TNFSF14: variants seen among roughly 807,000 people sequenced by gnomAD.
The protein encoded by TNFSF14 is TNF superfamily member 14.
TNFSF14 carries 15 observed loss-of-function variants against 22.7 expected under a neutral mutation model. The observed-to-expected ratio is 0.66, with a 90% CI of 0.44 to 1.02. The LOEUF (loss-of-function observed/expected upper bound fraction) is 1.02, where lower values mean the gene tolerates loss of function less well. Among genes scored for constraint, TNFSF14 ranks in the 50% least tolerant of loss-of-function variants. TNFSF14 has a pLI of 0.00. For synonymous variants in TNFSF14, 133 were observed against 139.6 expected (o/e 0.95, Z 0.33); for missense variants, 287 against 326.2 (o/e 0.88, Z 0.93).
In TNFSF14 at chr19:6,661,573, A is replaced by G. The variant is rs1437960840; in HGVS notation, c.*3353T>C. On this transcript the variant is annotated 3_prime_UTR_variant, in exon 4 of 4. Transcript: ENST00000675206. The stretch of plus-strand genomic sequence containing the variant: ...AGCTTGTCACAGTATCTTATCAGTA[A>G]TCGCATTCTTGGATGTGCTGGGAGT... 6.6e-6 allele frequency: 1 copy of G among 152,188 alleles called. No individual in the cohort carries two copies. The highest frequency in any genetic ancestry group is 1.5e-5 in the Non-Finnish European group (1 of 68,022). 9.4% of individuals were successfully genotyped at this position (152,188 alleles called of 1,614,324 possible). A position where few individuals can be genotyped will look rare whatever the true frequency, so the allele number is the denominator to read the frequency against.
chr19:6,670,395 A>G (rs1599490576), upstream of TNFSF14: 2 of 654,988 alleles, frequency 3.1e-6, no homozygotes, highest in South Asian at 4.3e-5. Flanking sequence ...GGGCCACCAA[A>G]TATCGACTGA....
At chr19:6,666,396 CAA>C (rs5826941) in intron 3 of TNFSF14, among the ~76,000 whole-genome samples, 19 of 128,094 alleles carry the variant, frequency 1.5e-4, no homozygotes, top group African/African-American at 1.8e-4. Context: ...GACCCTGTCT[CAA>C]AAAAAAAAAA....
At chr19:6,665,606 G>A (rs984092514) in intron 3 of TNFSF14, among the ~76,000 whole-genome samples, 1 of 152,030 alleles carries the variant, frequency 6.6e-6, no homozygotes. Context: ...ATGGGGTTTT[G>A]CCATGTTGCT....
rs1166327266 is a variant in TNFSF14, at chr19:6,663,054, T to G, written c.*1872A>C. 6.6e-6 allele frequency: 1 copy of G among 152,310 alleles called. No homozygotes were observed. Among genetic ancestry groups the G allele is most frequent in the African/African-American group, 2.4e-5 (1 of 41,450 alleles). 9.4% of individuals were successfully genotyped at this position (152,310 alleles called of 1,614,324 possible). ...TGCTGATGGTTGCCCCCCATCCGAC[T>G]CCTCCCTTTCCCTGTGGGGCTCTTT... On this transcript the variant is annotated 3_prime_UTR_variant, in exon 4 of 4. Coordinates refer to ENST00000675206, the MANE Select transcript of TNFSF14 (RefSeq NM_001376887.1).
chr19:6,666,344 G>A (rs1266404704), intron 3 of TNFSF14, among the ~76,000 whole-genome samples: 2 of 149,146 alleles, frequency 1.3e-5, no homozygotes, highest in African/African-American at 2.5e-5. Context: ...TGAGGGTGCC[G>A]TGAGCCGTGA....
At position 6,665,066 on chromosome 19, in the gene TNFSF14, G is replaced by A. The variant is rs138896705; in HGVS notation, c.583C>T (p.Arg195Trp). 20 of 1,613,962 alleles carry A rather than the reference G, an allele frequency of 1.2e-5. No homozygotes were observed. In the East Asian group the frequency reaches 1.6e-4, roughly 13 times the overall value. The change falls in exon 4 of 4, where the codon CGG (arginine) becomes TGG (tryptophan). Residue 195 changes from arginine to tryptophan, a missense_variant. Coordinates refer to ENST00000675206, the MANE Select transcript of TNFSF14 (RefSeq NM_001376887.1). ...SPCGRATSSS[R>W]VWWDSSFLGG... is the part of the protein sequence containing the mutation. ...AGGAAGCTGCTGTCCCACCAGACCC[G>A]GGAGCTGCTGGTGGCCCGTCCGCAG...
Position 6,667,104 on chromosome 19 carries a change from C to G in TNFSF14, c.298+9G>C. On this transcript the variant is annotated intron_variant, in intron 3 of 3. Coordinates refer to ENST00000675206, the MANE Select transcript of TNFSF14 (RefSeq NM_001376887.1). ...CCTGCCCCTTGCCAGGATCCAGGGT[C>G]CCTCTCACCTGTGAGATGCGCTGCT... 1 of 1,608,576 alleles carries G rather than the reference C, an allele frequency of 6.2e-7. No homozygotes were observed. The highest frequency in any genetic ancestry group is 1.3e-5 in the African/African-American group (1 of 74,598).
chr19:6,666,462 C>T (rs1009440022), intron 3 of TNFSF14, among the ~76,000 whole-genome samples: 25 of 151,756 alleles, frequency 1.6e-4, no homozygotes, highest in Non-Finnish European at 3.2e-4. Flanking sequence ...AGCGGCACCT[C>T]GTACTCGCTG....
intron 1 of TNFSF14, 80 bp downstream of exon 1, chr19:6,669,771 C>CACAG (rs1320933172): frequency 2.7e-6 from 4 of 1,506,336 alleles, no homozygotes; most frequent in Non-Finnish European, 2.7e-6. Flanking sequence ...CACACACACA[C>CACAG]ACAGACACAC....
chr19:6,665,018 C>T lies in TNFSF14; in HGVS notation c.631G>A (p.Ala211Thr), dbSNP rs374846332. The change falls in exon 4 of 4, where the codon GCT (alanine) becomes ACT (threonine). Residue 211 changes from alanine (A) to threonine (T), a missense_variant. Physicochemically the swap from Ala to Thr is moderately conservative, Grantham distance 58. Transcript: ENST00000675206. ...ACACGGACGACCACCTTCTCCCCAG[C>T]CTCCAGGTGTACCACACCACCCAGG... ...SFLGGVVHLE[A>T]GEKVVVRVLD... 2.5e-6 allele frequency: 4 copies of T among 1,614,080 alleles called. No homozygotes were observed. Among genetic ancestry groups the T allele is most frequent in the South Asian group, 1.1e-5 (1 of 91,078 alleles).
rs1917381312 is a variant in TNFSF14, at chr19:6,665,264, G to T, written c.385C>A (p.His129Asn). ...TTGGTGACCACAAGGGCCCCATCGT[G>T]GTAGCTGAGGCCCCTCAGGAAGGCC... ...GLAFLRGLSYHDGALVVTKAG... is the reference protein window; with the variant it reads ...GLAFLRGLSYNDGALVVTKAG... The change falls in exon 4 of 4, where the codon CAC becomes AAC. Residue 129 changes from histidine (H) to asparagine (N), a missense_variant. His to Asn is a moderately conservative substitution (Grantham distance 68, BLOSUM62 1). Coordinates refer to ENST00000675206, the MANE Select transcript of TNFSF14 (RefSeq NM_001376887.1). 2 of 1,613,658 alleles carry T rather than the reference G, an allele frequency of 1.2e-6. No individual in the cohort carries two copies. The highest frequency in any genetic ancestry group is 2.7e-5 in the African/African-American group (2 of 74,912).
At position 6,663,997 on chromosome 19, in the gene TNFSF14, G is replaced by A. The variant is rs1365222461; in HGVS notation, c.*929C>T. On this transcript the variant is annotated 3_prime_UTR_variant, in exon 4 of 4. Transcript: ENST00000675206. ...CATGGAAATTGGCAAACATTACAAA[G>A]CTGTCCCCCTCCCAGGACAGCTGGT... is the stretch of plus-strand genomic sequence containing the variant. 6.6e-6 allele frequency: 1 copy of A among 152,178 alleles called. No homozygotes were observed. Among genetic ancestry groups the A allele is most frequent in the Non-Finnish European group, 1.5e-5 (1 of 68,038 alleles). The allele number at this position is 152,178 out of a possible 1,614,324, so 9.4% of individuals were successfully genotyped here.
In TNFSF14 at chr19:6,665,144, G is replaced by A. The variant is rs746091221; in HGVS notation, c.505C>T (p.Arg169Cys). Reference sequence around the variant, plus strand: ...AGCTCCTCGGGGTAGCGGGGTGTGCGCTTGTAGAGGCCGTGGGTGATGGTG... The same window carrying A: ...AGCTCCTCGGGGTAGCGGGGTGTGCACTTGTAGAGGCCGTGGGTGATGGTG... The part of the protein sequence containing the change: ...ASTITHGLYK[R>C]TPRYPEELEL... The change falls in exon 4 of 4, where the codon CGC (arginine) becomes TGC (cysteine). Residue 169 changes from arginine (R) to cysteine (C), a missense_variant. Physicochemically the swap from Arg to Cys is radical, Grantham distance 180. Transcript: ENST00000675206. The A allele has an allele frequency of 7.4e-6, 12 of 1,614,050 alleles. No individual in the cohort carries two copies. The highest frequency in any genetic ancestry group is 3.3e-5 in the Admixed American group (2 of 60,018).
intron 1 of TNFSF14, among the ~76,000 whole-genome samples, chr19:6,668,174 C>A (rs970362690): frequency 4.0e-5 from 6 of 151,892 alleles, no homozygotes; most frequent in Non-Finnish European, 1.5e-5. Context: ...CCAGCCTGGG[C>A]AACACAACAA....
At position 6,665,177 on chromosome 19, in the gene TNFSF14, G is replaced by A; in HGVS notation, c.472C>T (p.Leu158=). Residue 158 remains leucine (L), a synonymous_variant, in exon 4 of 4, where the codon CTG becomes TTG. Transcript: ENST00000675206. ...QLGGVGCPLG[L]ASTITHGLYK... The stretch of plus-strand genomic sequence containing the variant: ...AGGCCGTGGGTGATGGTGCTGGCCA[G>A]GCCCAGCGGGCAGCCCACACCGCCC... The A allele has an allele frequency of 1.2e-6, 2 of 1,614,154 alleles. No homozygotes were observed. The highest frequency in any genetic ancestry group is 1.7e-6 in the Non-Finnish European group (2 of 1,180,032).
chr19:6,667,275 T>G, intron 2 of TNFSF14, 121 bp from the exon 3 acceptor site: 1 of 1,439,160 alleles, frequency 6.9e-7, no homozygotes, highest in Non-Finnish European at 9.2e-7. Context: ...GACCCAAACT[T>G]CTGCTTCTCA....
intron 3 of TNFSF14, among the ~76,000 whole-genome samples, chr19:6,666,881 G>C (rs557799566): frequency 8.6e-5 from 13 of 151,372 alleles, no homozygotes; most frequent in South Asian, 6.3e-4. Flanking sequence ...CTGGGCAACA[G>C]AGTGAGACTG....
chr19:6,666,988 T>A (rs1284094650), intron 3 of TNFSF14, 125 bp downstream of exon 3: 5 of 931,470 alleles, frequency 5.4e-6, no homozygotes, highest in African/African-American at 1.7e-5. Flanking sequence ...GCAGCCTATG[T>A]TCTGAGCAAC....
At chr19:6,666,986 T>C in intron 3 of TNFSF14, 127 bp downstream of exon 3, 1 of 808,410 alleles carries the variant, frequency 1.2e-6, no homozygotes, top group Non-Finnish European at 1.9e-6. Context: ...TTGCAGCCTA[T>C]GTTCTGAGCA....
Sources: allele counts gnomAD v4.1 joint callset (sites outside exome capture counted in the v4.1 genomes callset), GRCh38; gene constraint gnomAD v4.1.1; transcripts MANE v1.5; gene names NCBI Gene and HGNC (gene_info 2026-07-23, HGNC 2026-07-21).